EXOC4: variants seen among roughly 807,000 people sequenced by gnomAD.
The protein encoded by EXOC4 is exocyst complex component 4.
In EXOC4, 71 loss-of-function variants were observed where a neutral mutation model predicts 107.2. The ratio of observed to expected loss-of-function variants is 0.66; its 90% CI spans 0.55 to 0.81. The LOEUF is 0.81. Ranked by LOEUF, EXOC4 falls within the 30% of genes least tolerant of loss-of-function variation. The pLI, the probability that EXOC4 is intolerant of heterozygous loss-of-function variation, is 0.00. For synonymous variants in EXOC4, 456 were observed against 441.2 expected (o/e 1.03, Z -0.42); for missense variants, 1,108 against 1,189.6 (o/e 0.93, Z 1.01).
At chr7:133,425,822 A>G (rs1490588877) in intron 7 of EXOC4, among the ~76,000 whole-genome samples, 1 of 152,162 alleles carries the variant, frequency 6.6e-6, no homozygotes, top group Non-Finnish European at 1.5e-5. Flanking sequence ...ATTTCTATTG[A>G]TCCCAGGTCT....
intron 10 of EXOC4, among the ~76,000 whole-genome samples, chr7:133,772,091 T>C (rs1306762602): frequency 1.3e-5 from 2 of 151,924 alleles, no homozygotes; most frequent in Non-Finnish European, 2.9e-5. Flanking sequence ...CTCCTCATAT[T>C]CCCCCTTCCC....
intron 8 of EXOC4, among the ~76,000 whole-genome samples, 172 bp downstream of exon 8, chr7:133,475,645 G>A (rs1036849710): frequency 2.0e-5 from 3 of 152,156 alleles, no homozygotes; most frequent in Admixed American, 6.5e-5. Flanking sequence ...AGGTGAAGTG[G>A]TTGTTTTGGG....
intron 9 of EXOC4, among the ~76,000 whole-genome samples, chr7:133,614,169 G>T (rs144962997): frequency 1.3e-5 from 2 of 152,178 alleles, no homozygotes; most frequent in East Asian, 1.9e-4. Context: ...TGCCACAAAG[G>T]ATGTTTATTA....
At chr7:133,883,335 T>C (rs1398319371) in intron 11 of EXOC4, among the ~76,000 whole-genome samples, 7 of 146,604 alleles carry the variant, frequency 4.8e-5, no homozygotes, top group African/African-American at 1.8e-4. Flanking sequence ...TTTTTTTTTT[T>C]TGGCTCTTGT....
intron 7 of EXOC4, among the ~76,000 whole-genome samples, chr7:133,454,297 T>C (rs1798414523): frequency 2.6e-5 from 4 of 152,166 alleles, no homozygotes; most frequent in Admixed American, 1.3e-4. Context: ...TTTCATTTAT[T>C]TTATTTATTT....
At chr7:133,845,378 A>G (rs1798104909) in intron 11 of EXOC4, among the ~76,000 whole-genome samples, 2 of 142,770 alleles carry the variant, frequency 1.4e-5, no homozygotes, top group South Asian at 2.1e-4. Flanking sequence ...GTAAAATACA[A>G]TATTATATAT....
At chr7:133,366,464 A>T (rs1054517748) in intron 6 of EXOC4, among the ~76,000 whole-genome samples, 1 of 152,212 alleles carries the variant, frequency 6.6e-6, no homozygotes, top group African/African-American at 2.4e-5. Flanking sequence ...TCTGTTTTTT[A>T]AATATAAAAT....
intron 10 of EXOC4, among the ~76,000 whole-genome samples, chr7:133,732,128 C>T (rs1795340579): frequency 6.6e-6 from 1 of 152,150 alleles, no homozygotes; most frequent in Non-Finnish European, 1.5e-5. Flanking sequence ...GGAACAAGAT[C>T]CTGTCCTTTG....
Position 133,985,027 on chromosome 7 carries a change from G to A in EXOC4, c.2207-12465G>A, listed in dbSNP as rs527809555. On this transcript the variant is annotated intron_variant, in intron 14 of 17. Coordinates refer to ENST00000253861, the MANE Select transcript of EXOC4 (RefSeq NM_021807.4). ...GGCTCATAATAGTATATTCTCAAGC[G>A]AATGTTGAGACATCTAAGACATTAA... Among the ~76,000 whole-genome samples, 30 of 152,214 alleles carry A rather than the reference G, an allele frequency of 2.0e-4. 3 individuals carry two copies. The South Asian group carries it at 5.6e-3, about 28-fold the overall frequency.
chr7:133,431,731 A>G (rs1797860737), intron 7 of EXOC4, among the ~76,000 whole-genome samples: 1 of 152,238 alleles, frequency 6.6e-6, no homozygotes, highest in Non-Finnish European at 1.5e-5. Context: ...GTTGTGTGCC[A>G]TGAGGGATAG....
At chr7:133,574,186 A>AGT (rs1419704999) in intron 9 of EXOC4, among the ~76,000 whole-genome samples, 2 of 152,064 alleles carry the variant, frequency 1.3e-5, no homozygotes, top group African/African-American at 4.8e-5. Context: ...TTGAAAAGAG[A>AGT]GTGTGTGTGT....
intron 10 of EXOC4, among the ~76,000 whole-genome samples, chr7:133,650,154 A>G (rs767392389): frequency 2.6e-5 from 4 of 152,046 alleles, no homozygotes; most frequent in Admixed American, 2.6e-4. Flanking sequence ...GGTCATATGT[A>G]TGTACCCTGG....
intron 2 of EXOC4, among the ~76,000 whole-genome samples, chr7:133,275,677 G>C (rs560126540): frequency 1.3e-5 from 2 of 152,264 alleles, no homozygotes; most frequent in East Asian, 3.9e-4. Context: ...CCACAGAAGC[G>C]AGAATGTCTC....
intron 10 of EXOC4, among the ~76,000 whole-genome samples, chr7:133,728,789 C>G (rs1795267381): frequency 6.6e-6 from 1 of 152,174 alleles, no homozygotes; most frequent in African/African-American, 2.4e-5. Flanking sequence ...CACTCCAACA[C>G]ATGATCTTTT....
intron 10 of EXOC4, among the ~76,000 whole-genome samples, chr7:133,702,703 A>G (rs1794692536): frequency 1.3e-5 from 2 of 152,054 alleles, no homozygotes; most frequent in African/African-American, 4.8e-5. Flanking sequence ...AGGGATGAGG[A>G]AGCATTGTGC....
chr7:133,743,560 T>A (rs1473771363), intron 10 of EXOC4, among the ~76,000 whole-genome samples: 1 of 152,066 alleles, frequency 6.6e-6, no homozygotes, highest in Non-Finnish European at 1.5e-5. Flanking sequence ...AAATTAAAGC[T>A]CCAGAGGAAG....
chr7:133,274,193 C>T (rs1255397732), intron 1 of EXOC4, among the ~76,000 whole-genome samples: 3 of 152,186 alleles, frequency 2.0e-5, no homozygotes, highest in Admixed American at 1.3e-4. Flanking sequence ...TGTAGGATAG[C>T]TTAGATGACT....
chr7:133,783,909 C>T (rs751720345), intron 10 of EXOC4, among the ~76,000 whole-genome samples: 28 of 152,100 alleles, frequency 1.8e-4, no homozygotes, highest in Non-Finnish European at 3.7e-4. Flanking sequence ...AGATGAAATG[C>T]ATGTTTATTT....
At position 134,064,945 on chromosome 7, in the gene EXOC4, A is replaced by T. The variant is rs1796150193; in HGVS notation, c.*417A>T. 6.5e-6 allele frequency: 1 copy of T among 152,968 alleles called. No homozygotes were observed. Among genetic ancestry groups the T allele is most frequent in the Non-Finnish European group, 1.5e-5 (1 of 68,318 alleles). 9.5% of individuals were successfully genotyped at this position (152,968 alleles called of 1,614,324 possible). A position where few individuals can be genotyped will look rare whatever the true frequency, so the allele number is the denominator to read the frequency against. ...CCATTTAGTAGGGTTCTATTACATA[A>T]ACAGTAGGGTTTTTCCTCTCCTGAC... is the stretch of plus-strand genomic sequence containing the variant. On this transcript the variant is annotated 3_prime_UTR_variant, in exon 18 of 18. Coordinates refer to ENST00000253861, the MANE Select transcript of EXOC4 (RefSeq NM_021807.4).
Sources: allele counts gnomAD v4.1 joint callset (sites outside exome capture counted in the v4.1 genomes callset), GRCh38; gene constraint gnomAD v4.1.1; transcripts MANE v1.5; gene names NCBI Gene and HGNC (gene_info 2026-07-23, HGNC 2026-07-21).